WWOX: variants seen among roughly 807,000 people sequenced by gnomAD.
WWOX encodes the protein WW domain-containing oxidoreductase.
WWOX carries 69 observed loss-of-function variants against 46.2 expected under a neutral mutation model. The observed-to-expected ratio is 1.49, with a 90% confidence interval of 1.23 to 1.82. The LOEUF (loss-of-function observed/expected upper bound fraction) is 1.82. Ranked by LOEUF, WWOX falls within the 40% of genes most tolerant of loss-of-function variation. The pLI is 0.00. For synonymous variants in WWOX, 359 were observed against 202.6 expected, an observed-to-expected ratio of 1.77 and a Z score of -6.56; for missense variants, 919 against 542.6, an observed-to-expected ratio of 1.69 and a Z score of -6.89.
chr16:79,189,684 G>C (rs755335054), intron 8 of WWOX, among the ~76,000 whole-genome samples: 2 of 151,998 alleles, frequency 1.3e-5, no homozygotes, highest in Non-Finnish European at 2.9e-5. Context: ...TTTGACAATA[G>C]ATGTTAGCTA....
chr16:78,799,045 T>C (rs1270438789), intron 8 of WWOX, among the ~76,000 whole-genome samples: 2 of 152,242 alleles, frequency 1.3e-5, no homozygotes, highest in African/African-American at 4.8e-5. Flanking sequence ...TTATATGTGC[T>C]TGTATCGTCT....
intron 1 of WWOX, among the ~76,000 whole-genome samples, chr16:78,105,754 G>A (rs2032099327): frequency 6.6e-6 from 1 of 152,172 alleles, no homozygotes; most frequent in South Asian, 2.1e-4. Flanking sequence ...ATGCCAGCCT[G>A]CCTGCCAACA....
chr16:78,991,090 C>T (rs1198309132), intron 8 of WWOX, among the ~76,000 whole-genome samples: 3 of 152,160 alleles, frequency 2.0e-5, no homozygotes, highest in African/African-American at 4.8e-5. Context: ...TTCAGCTTCC[C>T]AAAGAAGAGT....
chr16:78,721,614 G>C (rs986206339), intron 8 of WWOX, among the ~76,000 whole-genome samples: 3 of 152,168 alleles, frequency 2.0e-5, no homozygotes, highest in Non-Finnish European at 2.9e-5. Context: ...TATAAAGCAG[G>C]ACATGTGCTT....
intron 8 of WWOX, among the ~76,000 whole-genome samples, chr16:79,096,923 G>A (rs755358792): frequency 1.3e-5 from 2 of 152,156 alleles, no homozygotes; most frequent in African/African-American, 2.4e-5. Flanking sequence ...GATCAGGGTC[G>A]GGTGGGGACA....
intron 8 of WWOX, among the ~76,000 whole-genome samples, chr16:78,818,434 C>G (rs1047818570): frequency 3.3e-5 from 5 of 152,230 alleles, no homozygotes; most frequent in Non-Finnish European, 7.3e-5. Flanking sequence ...TAGGACAAGG[C>G]AGGCCCAGTT....
At chr16:79,035,239 C>T (rs1278888594) in intron 8 of WWOX, among the ~76,000 whole-genome samples, 2 of 152,222 alleles carry the variant, frequency 1.3e-5, no homozygotes, top group Admixed American at 1.3e-4. Flanking sequence ...AACAAGACCA[C>T]GTACCTTCCA....
intron 8 of WWOX, among the ~76,000 whole-genome samples, chr16:79,209,716 G>C (rs769337327): frequency 3.9e-5 from 6 of 152,208 alleles, no homozygotes; most frequent in Admixed American, 1.3e-4. Context: ...GCTTGAGTTA[G>C]CTGGATGAGC....
rs587777248 is a variant in WWOX, at chr16:78,108,475, C to A, written c.160C>A (p.Arg54=). ...ACATCCAAAAACTGGAAAAAGAAAA[C>A]GAGTGGCAGGAGGTTTGTATGTTGT... ...WEHPKTGKRK[R]VAGDLPYGWE... is the part of the protein sequence containing the mutation. The change falls in exon 2 of 9, where the codon CGA becomes AGA. Residue 54 remains arginine, a synonymous_variant. Coordinates refer to ENST00000566780, the MANE Select transcript of WWOX (RefSeq NM_016373.4). The A allele has an allele frequency of 8.7e-6, 14 of 1,612,980 alleles. No homozygotes were observed. Among genetic ancestry groups the A allele is most frequent in the Non-Finnish European group, 1.2e-5 (14 of 1,179,600 alleles).
At chr16:79,074,502 T>G (rs535147414) in intron 8 of WWOX, among the ~76,000 whole-genome samples, 1 of 134,408 alleles carries the variant, frequency 7.4e-6, no homozygotes, top group African/African-American at 2.8e-5. Context: ...TGTGGGGGAA[T>G]GGAGAGACCT....
At chr16:78,988,171 C>A (rs150648459) in intron 8 of WWOX, among the ~76,000 whole-genome samples, 1 of 151,476 alleles carries the variant, frequency 6.6e-6, no homozygotes, top group African/African-American at 2.4e-5. Flanking sequence ...GGTGAAACCC[C>A]GTCTCTACTA....
chr16:78,667,986 C>T (rs1415989438), intron 8 of WWOX, among the ~76,000 whole-genome samples: 2 of 151,980 alleles, frequency 1.3e-5, no homozygotes, highest in Admixed American at 6.6e-5. Flanking sequence ...GCCATCAAAA[C>T]CATACAACTT....
intron 8 of WWOX, among the ~76,000 whole-genome samples, chr16:78,459,707 T>C (rs2083905980): frequency 1.3e-5 from 2 of 152,212 alleles, no homozygotes; most frequent in Non-Finnish European, 2.9e-5. Flanking sequence ...TGCAGTTAAG[T>C]ATTTAAAAAT....
intron 8 of WWOX, among the ~76,000 whole-genome samples, chr16:78,732,295 G>C (rs1291526044): frequency 6.6e-6 from 1 of 152,126 alleles, no homozygotes; most frequent in Non-Finnish European, 1.5e-5. Context: ...TCACTCATGG[G>C]ATGCTTACCC....
At chr16:78,433,469 A>C (rs919272120) in intron 8 of WWOX, among the ~76,000 whole-genome samples, 15 of 152,204 alleles carry the variant, frequency 9.9e-5, no homozygotes, top group African/African-American at 3.6e-4. Flanking sequence ...TATTTGGTAG[A>C]TTATTTTTCA....
At chr16:78,455,844 GA>G (rs1452486109) in intron 8 of WWOX, among the ~76,000 whole-genome samples, 21 of 151,020 alleles carry the variant, frequency 1.4e-4, no homozygotes, top group African/African-American at 5.1e-4. Context: ...GATGATGACG[GA>G]AGTGAGCAGT....
At chr16:78,667,400 G>T (rs1253590025) in intron 8 of WWOX, among the ~76,000 whole-genome samples, 1 of 152,098 alleles carries the variant, frequency 6.6e-6, no homozygotes, top group Non-Finnish European at 1.5e-5. Flanking sequence ...GATGGGTGTG[G>T]TGGCTCACGC....
At chr16:78,935,625 A>G (rs1421471093) in intron 8 of WWOX, among the ~76,000 whole-genome samples, 1 of 151,646 alleles carries the variant, frequency 6.6e-6, no homozygotes, top group Admixed American at 6.6e-5. Context: ...GGGAGGGGAG[A>G]AGGATAGCAT....
At chr16:78,982,295 CG>C (rs1436040286) in intron 8 of WWOX, among the ~76,000 whole-genome samples, 1 of 152,130 alleles carries the variant, frequency 6.6e-6, no homozygotes, top group African/African-American at 2.4e-5. Flanking sequence ...ACTTTGAAAG[CG>C]TGATTTTGAG....
Sources: allele counts gnomAD v4.1 joint callset (sites outside exome capture counted in the v4.1 genomes callset), GRCh38; gene constraint gnomAD v4.1.1; transcripts MANE v1.5; gene names NCBI Gene and HGNC (gene_info 2026-07-23, HGNC 2026-07-21).